The following RABGAP1L variants were observed in gnomAD, a reference collection of about 807,000 sequenced individuals.
RABGAP1L encodes the protein rab GTPase-activating protein 1-like.
A neutral mutation model predicts 137.7 loss-of-function variants in RABGAP1L; 63 were observed. That is an observed-to-expected ratio of 0.46 (90% CI 0.37 to 0.56). The LOEUF is 0.56. Ranked by LOEUF, RABGAP1L falls within the 20% of genes least tolerant of loss-of-function variation. RABGAP1L has a pLI of 0.00. For synonymous variants in RABGAP1L, 431 were observed against 433.7 expected (o/e 0.99, Z 0.08); for missense variants, 1,095 against 1,244.0 (o/e 0.88, Z 1.80).
intron 13 of RABGAP1L, among the ~76,000 whole-genome samples, chr1:174,430,568 A>G (rs1331115785): frequency 6.6e-6 from 1 of 152,174 alleles, no homozygotes; most frequent in Non-Finnish European, 1.5e-5. Flanking sequence ...TTTTTAGTGT[A>G]TTCTAGGGCA....
At chr1:174,820,356 G>A (rs1690890031) in intron 19 of RABGAP1L, among the ~76,000 whole-genome samples, 2 of 152,038 alleles carry the variant, frequency 1.3e-5, no homozygotes, top group South Asian at 2.1e-4. Context: ...CATTTCCATG[G>A]TATGAATACT....
rs181519382 is a variant in RABGAP1L, at chr1:174,408,687, C to T, written c.1710+14542C>T. Among the ~76,000 whole-genome samples, 8 of 152,114 alleles carry T rather than the reference C, an allele frequency of 5.3e-5. No homozygotes were observed. The East Asian group carries it at 1.4e-3, about 26-fold the overall frequency. On this transcript the variant is annotated intron_variant, in intron 13 of 25. Coordinates refer to ENST00000681986, the MANE Select transcript of RABGAP1L (RefSeq NM_001366446.1). ...TTTACATTCCCACCAACAGTGTCTA[C>T]GTGTTAATTCCCCTTTCTCTGTAGC...
At chr1:174,895,341 G>C (rs1656949911) in intron 19 of RABGAP1L, among the ~76,000 whole-genome samples, 1 of 151,222 alleles carries the variant, frequency 6.6e-6, no homozygotes, top group Non-Finnish European at 1.5e-5. Context: ...TCTAGAAGGG[G>C]CAAACAAATA....
At chr1:174,718,188 T>G (rs1175453200) in intron 17 of RABGAP1L, among the ~76,000 whole-genome samples, 3 of 152,204 alleles carry the variant, frequency 2.0e-5, no homozygotes, top group Non-Finnish European at 4.4e-5. Flanking sequence ...TCCTTTTAGG[T>G]TTTTGGTTTG....
intron 18 of RABGAP1L, among the ~76,000 whole-genome samples, chr1:174,802,135 G>T (rs376097182): frequency 6.6e-6 from 1 of 152,150 alleles, no homozygotes; most frequent in African/African-American, 2.4e-5. Context: ...CAGGGAGTTG[G>T]GTTCTCAAGC....
chr1:174,613,209 C>G (rs1414016791), intron 13 of RABGAP1L, among the ~76,000 whole-genome samples: 3 of 151,500 alleles, frequency 2.0e-5, no homozygotes, highest in African/African-American at 7.3e-5. Flanking sequence ...TATAAATTTC[C>G]CTCTACACAG....
chr1:174,262,587 C>G (rs2148632980), intron 7 of RABGAP1L, among the ~76,000 whole-genome samples: 1 of 152,330 alleles, frequency 6.6e-6, no homozygotes. Context: ...AGCTAGGAAA[C>G]TGGCATTGGT....
At chr1:174,640,256 A>G (rs1674422092) in intron 14 of RABGAP1L, among the ~76,000 whole-genome samples, 1 of 152,092 alleles carries the variant, frequency 6.6e-6, no homozygotes, top group African/African-American at 2.4e-5. Context: ...ATCTCATGCC[A>G]GGAAACCTTA....
chr1:174,596,101 G>A lies in RABGAP1L; in HGVS notation c.1711-41274G>A, dbSNP rs373229693. ...GGTCTGAAAAGCGCAATATTCGGGT[G>A]GGAGTGACCCGATTTTCCAGGTGCG... On this transcript the variant is annotated intron_variant, in intron 13 of 25. Transcript: ENST00000681986. Among the ~76,000 whole-genome samples, 28 of 130,300 alleles carry A rather than the reference G, an allele frequency of 2.1e-4. No individual in the cohort carries two copies. In the East Asian group the frequency reaches 6.0e-3, roughly 28 times the overall value. The allele number at this position is 130,300 out of a possible 152,430, so 85.5% of individuals were successfully genotyped here.
At chr1:174,305,274 G>A in intron 11 of RABGAP1L, 147 bp downstream of exon 11, 1 of 815,674 alleles carries the variant, frequency 1.2e-6, no homozygotes, top group Non-Finnish European at 1.7e-6. Flanking sequence ...GTGCAGAAAA[G>A]AATTTGGTTC....
In RABGAP1L at chr1:174,336,641, A is replaced by C. The variant is rs1347138836; in HGVS notation, c.1465+31514A>C. On this transcript the variant is annotated intron_variant, in intron 11 of 25. Coordinates refer to ENST00000681986, the MANE Select transcript of RABGAP1L (RefSeq NM_001366446.1). Reference sequence around the variant, plus strand: ...TAGGGCCTGGTCTGCTTTCCTAAAAAATGTCTGGATACCACTGCTCCTGGT... The same window carrying C: ...TAGGGCCTGGTCTGCTTTCCTAAAACATGTCTGGATACCACTGCTCCTGGT... 3.3e-5 allele frequency among the ~76,000 whole-genome samples: 5 copies of C among 152,328 alleles called. No individual in the cohort carries two copies. The South Asian group carries it at 1.0e-3, about 32-fold the overall frequency.
intron 18 of RABGAP1L, among the ~76,000 whole-genome samples, chr1:174,755,347 T>G (rs61329817): frequency 1.3e-5 from 2 of 152,180 alleles, no homozygotes; most frequent in Non-Finnish European, 2.9e-5. Flanking sequence ...ATTTATTTAC[T>G]TATATGAAAC....
At chr1:174,936,971 ATTTTTTTT>A (rs909397955) in intron 19 of RABGAP1L, among the ~76,000 whole-genome samples, 8 of 101,524 alleles carry the variant, frequency 7.9e-5, no homozygotes, top group East Asian at 7.9e-4. Flanking sequence ...TATAAGATTA[ATTTTTTTT>A]TTTTTTTTTT....
chr1:174,570,944 G>C lies in RABGAP1L; in HGVS notation c.1711-66431G>C, dbSNP rs546366298. Among the ~76,000 whole-genome samples, 3 of 152,298 alleles carry C rather than the reference G, an allele frequency of 2.0e-5. No individual in the cohort carries two copies. The South Asian group carries it at 6.2e-4, about 32-fold the overall frequency. The stretch of plus-strand genomic sequence containing the variant: ...TATATACCCAAAAGAAAGGAAATGA[G>C]TATATGGAAGAGATACCTGCACTTC... On this transcript the variant is annotated intron_variant, in intron 13 of 25. Transcript: ENST00000681986.
chr1:174,628,471 A>G lies in RABGAP1L; in HGVS notation c.1711-8904A>G, dbSNP rs968202092. On this transcript the variant is annotated intron_variant, in intron 13 of 25. Transcript: ENST00000681986. ...AATTAATAATTTTATTTATTTAACA[A>G]GTACTCAGTTTATACTAGGCAATAT... Among the ~76,000 whole-genome samples the G allele has an allele frequency of 7.5e-4, 114 of 152,328 alleles. 1 individual carries two copies. Among genetic ancestry groups the G allele is most frequent in the African/African-American group, 2.5e-3 (104 of 41,576 alleles).
At chr1:174,483,739 A>C (rs1264225157) in intron 13 of RABGAP1L, among the ~76,000 whole-genome samples, 1 of 152,052 alleles carries the variant, frequency 6.6e-6, no homozygotes, top group African/African-American at 2.4e-5. Context: ...AGGCAGGAGA[A>C]TCACTGGAAT....
At chr1:174,889,076 CT>C (rs1468370082) in intron 19 of RABGAP1L, among the ~76,000 whole-genome samples, 2 of 150,498 alleles carry the variant, frequency 1.3e-5, no homozygotes, top group African/African-American at 2.4e-5. Context: ...TTAATTAGCT[CT>C]TTTGTTTTCT....
At chr1:174,205,551 G>C (rs1668449851) in intron 1 of RABGAP1L, among the ~76,000 whole-genome samples, 1 of 151,962 alleles carries the variant, frequency 6.6e-6, no homozygotes, top group African/African-American at 2.4e-5. Context: ...GTCTCTTTTA[G>C]GCTTTCTAGT....
intron 11 of RABGAP1L, among the ~76,000 whole-genome samples, chr1:174,320,308 T>C (rs1056172250): frequency 7.9e-5 from 12 of 152,200 alleles, no homozygotes; most frequent in African/African-American, 2.7e-4. Flanking sequence ...TAGTTTTACC[T>C]TTTCTTCAGT....
Sources: gnomAD v4.1 joint callset for allele counts (sites outside exome capture counted in the v4.1 genomes callset) on GRCh38, gnomAD v4.1.1 for gene constraint, MANE v1.5 for transcripts, NCBI Gene and HGNC (gene_info 2026-07-23, HGNC 2026-07-21) for gene names.